POU6F2: variants seen among roughly 807,000 people sequenced by gnomAD.
POU6F2 encodes the protein POU class 6 homeobox 2.
In POU6F2, 31 loss-of-function variants were observed where a neutral mutation model predicts 71.3. The observed-to-expected ratio is 0.43, with a 90% CI of 0.33 to 0.59. POU6F2 has a LOEUF of 0.59. POU6F2 is among the 20% of genes least tolerant of loss of function. POU6F2 has a pLI of 0.04. For missense variants in POU6F2, 783 were observed against 856.8 expected (o/e 0.91, Z 1.07); for synonymous variants, 347 against 355.7 (o/e 0.98, Z 0.27).
chr7:39,261,695 A>G (rs573494470), intron 4 of POU6F2, among the ~76,000 whole-genome samples: 2 of 152,328 alleles, frequency 1.3e-5, no homozygotes, highest in African/African-American at 4.8e-5. Context: ...TTTCCCATCT[A>G]AGAATGGCAA....
chr7:39,367,590 T>G (rs913705004), intron 5 of POU6F2, among the ~76,000 whole-genome samples: 4 of 152,226 alleles, frequency 2.6e-5, no homozygotes, highest in African/African-American at 9.6e-5. Flanking sequence ...ATAAAAATCT[T>G]CTATTTGTAT....
chr7:39,444,582 TCAAA>T (rs1256868855), intron 7 of POU6F2, among the ~76,000 whole-genome samples: 4 of 152,348 alleles, frequency 2.6e-5, no homozygotes, highest in South Asian at 2.1e-4. Context: ...AGACACTGTC[TCAAA>T]CAAACAAACA....
intron 1 of POU6F2, among the ~76,000 whole-genome samples, chr7:39,068,952 T>C (rs1394449720): frequency 6.6e-6 from 1 of 152,136 alleles, no homozygotes; most frequent in East Asian, 1.9e-4. Flanking sequence ...GATCCGGAAA[T>C]CTATATTTAA....
At chr7:39,302,717 TATGCGTAACC>T (rs1167658057) in intron 4 of POU6F2, among the ~76,000 whole-genome samples, 11 of 152,252 alleles carry the variant, frequency 7.2e-5, no homozygotes, top group Non-Finnish European at 1.3e-4. Flanking sequence ...AGATAAGCAA[TATGCGTAACC>T]ACATCCTTTC....
intron 1 of POU6F2, among the ~76,000 whole-genome samples, chr7:39,001,152 C>T (rs1562662320): frequency 6.6e-6 from 1 of 152,026 alleles, no homozygotes; most frequent in Non-Finnish European, 1.5e-5. Flanking sequence ...ATTGTGCCTG[C>T]ATAGTTGGTA....
intron 5 of POU6F2, among the ~76,000 whole-genome samples, chr7:39,340,692 A>G (rs1785899180): frequency 1.3e-5 from 2 of 152,172 alleles, no homozygotes; most frequent in Non-Finnish European, 2.9e-5. Flanking sequence ...TAGATATTTC[A>G]GGCTAACCAT....
At chr7:39,351,873 C>A (rs1000743383) in intron 5 of POU6F2, among the ~76,000 whole-genome samples, 5 of 152,128 alleles carry the variant, frequency 3.3e-5, no homozygotes, top group African/African-American at 1.2e-4. Flanking sequence ...AAAACCTCAC[C>A]CACTGCGCAA....
At chr7:39,173,298 A>G (rs901474952) in intron 2 of POU6F2, among the ~76,000 whole-genome samples, 2 of 152,196 alleles carry the variant, frequency 1.3e-5, no homozygotes, top group East Asian at 1.9e-4. Flanking sequence ...TAAGCGGTAG[A>G]TAAGGTGGAT....
At chr7:39,000,986 A>T (rs1788888880) in intron 1 of POU6F2, among the ~76,000 whole-genome samples, 1 of 152,226 alleles carries the variant, frequency 6.6e-6, no homozygotes, top group Non-Finnish European at 1.5e-5. Flanking sequence ...ATCGTTTAAA[A>T]TGAGTTTCAT....
At chr7:39,194,330 T>C (rs1173330618) in intron 2 of POU6F2, among the ~76,000 whole-genome samples, 1 of 152,210 alleles carries the variant, frequency 6.6e-6, no homozygotes, top group Non-Finnish European at 1.5e-5. Context: ...CGAGAACACA[T>C]CCTTGGGGTG....
intron 4 of POU6F2, among the ~76,000 whole-genome samples, chr7:39,294,931 A>C (rs1325104886): frequency 1.3e-5 from 2 of 151,970 alleles, no homozygotes; most frequent in Admixed American, 1.3e-4. Flanking sequence ...GTTGAAAGAC[A>C]CTCTGCATTG....
chr7:39,281,729 A>G lies in POU6F2; in HGVS notation c.599-57913A>G, dbSNP rs116864959. On this transcript the variant is annotated intron_variant, in intron 4 of 9. Coordinates refer to ENST00000518318, the MANE Select transcript of POU6F2 (RefSeq NM_001370959.1). ...TGATGGACACTTAGGTTGATTCCATATCTTGACTGTTGTGAGTAGTGCTGC... is the reference window on the plus strand; with the variant it reads ...TGATGGACACTTAGGTTGATTCCATGTCTTGACTGTTGTGAGTAGTGCTGC... Among the ~76,000 whole-genome samples, 725 of 152,208 alleles carry G rather than the reference A, an allele frequency of 4.8e-3. 2 individuals carry two copies. The highest frequency in any genetic ancestry group is 7.3e-3 in the Non-Finnish European group (495 of 67,958).
intron 5 of POU6F2, among the ~76,000 whole-genome samples, chr7:39,359,686 T>G (rs1786334229): frequency 6.6e-6 from 1 of 152,152 alleles, no homozygotes; most frequent in African/African-American, 2.4e-5. Flanking sequence ...AGCTGTCAAA[T>G]GCACTGATGA....
chr7:39,287,944 G>C (rs1784680501), intron 4 of POU6F2, among the ~76,000 whole-genome samples: 1 of 152,168 alleles, frequency 6.6e-6, no homozygotes, highest in Non-Finnish European at 1.5e-5. Flanking sequence ...TGTGTATATT[G>C]ACTGAACCTG....
intron 1 of POU6F2, among the ~76,000 whole-genome samples, chr7:39,024,218 C>T (rs1172618775): frequency 6.6e-6 from 1 of 152,022 alleles, no homozygotes; most frequent in Non-Finnish European, 1.5e-5. Context: ...AGAGGTCCTT[C>T]ACGTCCCTTG....
intron 2 of POU6F2, among the ~76,000 whole-genome samples, chr7:39,094,359 A>T (rs1791413187): frequency 6.6e-6 from 1 of 152,166 alleles, no homozygotes. Flanking sequence ...TGGGAATCTA[A>T]ATATTTGTCT....
intron 6 of POU6F2, among the ~76,000 whole-genome samples, chr7:39,421,863 A>G (rs969011781): frequency 2.0e-5 from 3 of 152,232 alleles, no homozygotes; most frequent in Non-Finnish European, 4.4e-5. Context: ...AGCAATAAAT[A>G]ACTTTAATCT....
chr7:39,233,565 G>C (rs1487312181), intron 4 of POU6F2, among the ~76,000 whole-genome samples: 1 of 152,160 alleles, frequency 6.6e-6, no homozygotes, highest in Admixed American at 6.5e-5. Context: ...ATCCTGTCCG[G>C]AGGGCTAGAG....
intron 1 of POU6F2, among the ~76,000 whole-genome samples, chr7:38,984,566 A>G (rs1168637163): frequency 6.6e-6 from 1 of 152,204 alleles, no homozygotes; most frequent in Non-Finnish European, 1.5e-5. Context: ...GTGAAATAAT[A>G]CGTTAGCACA....
Sources: gnomAD v4.1 joint callset for allele counts (sites outside exome capture counted in the v4.1 genomes callset) on GRCh38, gnomAD v4.1.1 for gene constraint, MANE v1.5 for transcripts, NCBI Gene and HGNC (gene_info 2026-07-23, HGNC 2026-07-21) for gene names.